The following MLLT10 variants were observed in gnomAD, a reference collection of about 807,000 sequenced individuals.
MLLT10 encodes MLLT10 histone lysine methyltransferase DOT1L cofactor, also known as protein AF-10.
MLLT10 carries 30 observed loss-of-function variants against 129.1 expected under a neutral mutation model. The observed-to-expected ratio is 0.23, with a 90% confidence interval of 0.17 to 0.32. The LOEUF is 0.32. MLLT10 is among the 10% of genes least tolerant of loss of function. The pLI, the probability that MLLT10 is intolerant of heterozygous loss-of-function variation, is 1.00. For synonymous variants in MLLT10, 490 were observed against 446.4 expected (o/e 1.10, Z -1.23); for missense variants, 1,119 against 1,268.3 (o/e 0.88, Z 1.79).
intron 8 of MLLT10, among the ~76,000 whole-genome samples, chr10:21,644,511 A>G (rs530529102): frequency 6.6e-6 from 1 of 152,220 alleles, no homozygotes; most frequent in East Asian, 1.9e-4. Flanking sequence ...TTTTTGGTAG[A>G]ACTCCAGGCT....
At chr10:21,536,805 A>G (rs1480779030) in intron 2 of MLLT10, among the ~76,000 whole-genome samples, 2 of 150,622 alleles carry the variant, frequency 1.3e-5, no homozygotes, top group Admixed American at 1.3e-4. Flanking sequence ...TTTTTTTGAG[A>G]CAGAGTTTTG....
chr10:21,534,150 G>A (rs1434525910), upstream of MLLT10: 2 of 368,738 alleles, frequency 5.4e-6, no homozygotes, highest in Non-Finnish European at 9.7e-6. Flanking sequence ...GGTAGGCCGG[G>A]GGCAGCCAAC....
chr10:21,651,860 C>G (rs901242115), intron 9 of MLLT10, 92 bp downstream of exon 9: 1 of 676,004 alleles, frequency 1.5e-6, no homozygotes, highest in East Asian at 3.0e-5. Context: ...CCTAACTTTT[C>G]CCAGCTTTTC....
chr10:21,582,419 C>G (rs900938725), intron 3 of MLLT10, among the ~76,000 whole-genome samples: 2 of 152,128 alleles, frequency 1.3e-5, no homozygotes, highest in Non-Finnish European at 2.9e-5. Flanking sequence ...TACACCCAGC[C>G]TGTTCTATTT....
At chr10:21,680,224 T>C (rs1321456837) in intron 11 of MLLT10, among the ~76,000 whole-genome samples, 3 of 152,094 alleles carry the variant, frequency 2.0e-5, no homozygotes, top group Non-Finnish European at 4.4e-5. Flanking sequence ...CTTTTCTTTT[T>C]TTTTGAGACC....
intron 14 of MLLT10, among the ~76,000 whole-genome samples, chr10:21,719,842 G>A (rs914071740): frequency 2.0e-5 from 3 of 152,164 alleles, no homozygotes; most frequent in African/African-American, 4.8e-5. Context: ...AATTACCAGT[G>A]AGAAATTGTA....
Position 21,592,774 on chromosome 10 carries a change from A to G in MLLT10, c.296-2557A>G, listed in dbSNP as rs546813214. On this transcript the variant is annotated intron_variant, in intron 4 of 22. Transcript: ENST00000307729. Reference sequence around the variant, plus strand: ...CCACCGCGCCCGGCCAGTTTTCTGTAGTTTTATTGTCTCTTGGTGTATGTC... The same window carrying G: ...CCACCGCGCCCGGCCAGTTTTCTGTGGTTTTATTGTCTCTTGGTGTATGTC... 7.8e-4 allele frequency among the ~76,000 whole-genome samples: 119 copies of G among 151,896 alleles called. 1 individual carries two copies. Among genetic ancestry groups the G allele is most frequent in the African/African-American group, 2.8e-3 (118 of 41,424 alleles).
intron 5 of MLLT10, among the ~76,000 whole-genome samples, chr10:21,599,818 C>T (rs1451568935): frequency 6.6e-6 from 1 of 152,132 alleles, no homozygotes; most frequent in South Asian, 2.1e-4. Flanking sequence ...TCTGCCTGCT[C>T]TGGCCTCCCA....
intron 3 of MLLT10, among the ~76,000 whole-genome samples, chr10:21,580,199 ATTG>A (rs2041252163): frequency 6.7e-6 from 1 of 150,330 alleles, no homozygotes; most frequent in Non-Finnish European, 1.5e-5. Flanking sequence ...TTTCTTTTTT[ATTG>A]TTGTTGCTGA....
chr10:21,566,318 C>T (rs1028577168), intron 3 of MLLT10, among the ~76,000 whole-genome samples: 18 of 150,406 alleles, frequency 1.2e-4, no homozygotes, highest in Non-Finnish European at 1.2e-4. Context: ...TAGATGTTGT[C>T]AGACTCCCCC....
chr10:21,601,219 T>G (rs1190501206), intron 5 of MLLT10, among the ~76,000 whole-genome samples: 4 of 152,358 alleles, frequency 2.6e-5, no homozygotes, highest in South Asian at 4.1e-4. Flanking sequence ...GTGTTGGAAT[T>G]ACAAGCGTGA....
chr10:21,534,817 CCGCCCGCCGGGGCGCGCCGGCCTG>C lies in MLLT10; in HGVS notation c.160+19_160+42del, dbSNP rs1299324424. ...GCGGTGCATCAAGGTAAACACCCAACCGCCCGCCGGGGCGCGCCGGCCTGCGCCCAACGGTCACCGCCGCCCCCA... is the reference window on the plus strand; with the variant it reads ...GCGGTGCATCAAGGTAAACACCCAACCGCCCAACGGTCACCGCCGCCCCCA... On this transcript the variant is annotated intron_variant, in intron 2 of 22. Coordinates refer to ENST00000307729, the MANE Select transcript of MLLT10 (RefSeq NM_001195626.3). 5 of 1,575,872 alleles carry C rather than the reference CCGCCCGCCGGGGCGCGCCGGCCTG, an allele frequency of 3.2e-6. No homozygotes were observed. The African/African-American group carries it at 6.9e-5, about 22-fold the overall frequency.
chr10:21,620,228 C>A (rs1479153075), intron 8 of MLLT10, among the ~76,000 whole-genome samples: 2 of 152,014 alleles, frequency 1.3e-5, no homozygotes, highest in Non-Finnish European at 2.9e-5. Flanking sequence ...ATGCCTGGCC[C>A]CTCTTTTAAA....
intron 11 of MLLT10, among the ~76,000 whole-genome samples, chr10:21,674,313 TC>T (rs781178743): frequency 4.6e-5 from 7 of 152,102 alleles, no homozygotes; most frequent in Non-Finnish European, 8.8e-5. Flanking sequence ...TGTTTTGAGC[TC>T]CCTTTCTCTA....
intron 5 of MLLT10, among the ~76,000 whole-genome samples, chr10:21,607,808 T>C (rs544349865): frequency 3.9e-5 from 6 of 152,338 alleles, no homozygotes; most frequent in East Asian, 1.9e-4. Flanking sequence ...ATGGTCCTTA[T>C]CAGAGCTGTT....
intron 4 of MLLT10, among the ~76,000 whole-genome samples, chr10:21,592,633 T>C (rs2042619206): frequency 6.6e-6 from 1 of 152,158 alleles, no homozygotes; most frequent in Non-Finnish European, 1.5e-5. Context: ...ATTTTTTGTA[T>C]TTTTAGTAGA....
At chr10:21,644,820 G>A (rs12260551) in intron 8 of MLLT10, among the ~76,000 whole-genome samples, 6,063 of 151,938 alleles carry the variant, frequency 0.04, 410 homozygotes, top group African/African-American at 0.14. Flanking sequence ...TTGTGGAGAT[G>A]GGTTGTCATT....
At position 21,673,574 on chromosome 10, in the gene MLLT10, G is replaced by A; in HGVS notation, c.1276G>A (p.Val426Ile). The A allele has an allele frequency of 6.2e-7, 1 of 1,613,158 alleles. No homozygotes were observed. The highest frequency in any genetic ancestry group is 1.1e-5 in the South Asian group (1 of 90,916). The change falls in exon 11 of 23, where the codon GTT becomes ATT. Residue 426 changes from valine (V) to isoleucine (I), a missense_variant. Val to Ile is a conservative substitution (Grantham distance 29). Transcript: ENST00000307729. ...AATTGGCCTCCCTTCAACCTCAGCT[G>A]TTACTTCACAGCCTAAAAGCTTTGA... ...TLIGLPSTSA[V>I]TSQPKSFENS...
At chr10:21,622,417 G>A (rs1239685580) in intron 8 of MLLT10, among the ~76,000 whole-genome samples, 2 of 151,042 alleles carry the variant, frequency 1.3e-5, no homozygotes, top group East Asian at 3.9e-4. Context: ...ATTCTGCCTT[G>A]GCCTCCCAAA....
Sources: allele counts gnomAD v4.1 joint callset (sites outside exome capture counted in the v4.1 genomes callset), GRCh38; gene constraint gnomAD v4.1.1; transcripts MANE v1.5; gene names NCBI Gene and HGNC (gene_info 2026-07-23, HGNC 2026-07-21).